Variants in ZDHHC15 observed in about 807,000 individuals in gnomAD.
ZDHHC15 encodes palmitoyltransferase ZDHHC15.
ZDHHC15 carries 19 observed loss-of-function variants against 31.7 expected under a neutral mutation model. The observed-to-expected ratio is 0.60, with a 90% CI of 0.42 to 0.88. The LOEUF is 0.88. Among genes scored for constraint, ZDHHC15 ranks in the 40% least tolerant of loss-of-function variants. The probability of loss-of-function intolerance (pLI) is 0.00; values close to 1 mark genes in which losing one functional copy is unlikely to be tolerated. For synonymous variants in ZDHHC15, 103 were observed against 90.0 expected (o/e 1.14, Z -0.82); for missense variants, 209 against 251.2 (o/e 0.83, Z 1.14).
At chrX:75,492,639 G>A (rs1490238397) in intron 2 of ZDHHC15, among the ~76,000 whole-genome samples, 1 of 111,372 alleles carries the variant, frequency 9.0e-6, no homozygotes, top group East Asian at 2.8e-4. Flanking sequence ...ACTCAAAACT[G>A]GACAACTACA....
Position 75,469,241 on chromosome X carries a change from A to G in ZDHHC15, c.258+9650T>C, listed in dbSNP as rs2084464895. Among the ~76,000 whole-genome samples, 4 of 111,912 alleles carry G rather than the reference A, an allele frequency of 3.6e-5. No individual in the cohort carries two copies. In the Admixed American group the frequency reaches 3.8e-4, roughly 11 times the overall value. On this transcript the variant is annotated intron_variant, in intron 3 of 11. Transcript: ENST00000373367. ...ATTTGGTCCTTTTTAAAATAATGTGATAAATATGTGTAATGAAATTTAACC... is the reference window on the plus strand; with the variant it reads ...ATTTGGTCCTTTTTAAAATAATGTGGTAAATATGTGTAATGAAATTTAACC...
At chrX:75,494,954 T>C (rs746119392) in intron 2 of ZDHHC15, among the ~76,000 whole-genome samples, 14 of 111,546 alleles carry the variant, frequency 1.3e-4, no homozygotes, top group Admixed American at 7.6e-4. Context: ...CAACTAAAGA[T>C]CTTCTGCACA....
rs899368387 is a variant in ZDHHC15, at chrX:75,485,894, G to A, written c.164-6909C>T. ...AGAAAAAAATAAGCTTCAGTTTTAA[G>A]TTGATCATTAATGGTTAAATAGAAA... On this transcript the variant is annotated intron_variant, in intron 2 of 11. Transcript: ENST00000373367. Among the ~76,000 whole-genome samples, 4 of 111,923 alleles carry A rather than the reference G, an allele frequency of 3.6e-5. No homozygotes were observed. In the East Asian group the frequency reaches 1.1e-3, roughly 31 times the overall value.
chrX:75,508,626 A>T (rs1269185181), intron 1 of ZDHHC15, among the ~76,000 whole-genome samples: 1 of 110,154 alleles, frequency 9.1e-6, no homozygotes, highest in Non-Finnish European at 1.9e-5. Context: ...ATGTGTCTTT[A>T]TAGTAACATG....
At chrX:75,495,489 T>C (rs1311104375) in intron 2 of ZDHHC15, among the ~76,000 whole-genome samples, 1 of 110,754 alleles carries the variant, frequency 9.0e-6, no homozygotes, top group Non-Finnish European at 1.9e-5. Flanking sequence ...CACGTATGTT[T>C]ATTGCGGCAC....
intron 4 of ZDHHC15, among the ~76,000 whole-genome samples, chrX:75,444,090 C>T (rs2083988405): frequency 9.0e-6 from 1 of 110,967 alleles, no homozygotes; most frequent in Non-Finnish European, 1.9e-5. Flanking sequence ...ACTAGAAATG[C>T]CATTTGACCC....
chrX:75,458,573 C>A (rs1174297197), intron 3 of ZDHHC15, among the ~76,000 whole-genome samples: 1 of 110,872 alleles, frequency 9.0e-6, no homozygotes, highest in African/African-American at 3.3e-5. Flanking sequence ...GTTTTAAGAA[C>A]CACACCTAGT....
chrX:75,474,446 TATACACACAC>T (rs1324492653), intron 3 of ZDHHC15, among the ~76,000 whole-genome samples: 6 of 66,085 alleles, frequency 9.1e-5, no homozygotes, highest in African/African-American at 2.4e-4. Flanking sequence ...TATATATATA[TATACACACAC>T]ACACACACAC....
At chrX:75,486,172 C>A (rs1047849171) in intron 2 of ZDHHC15, among the ~76,000 whole-genome samples, 1 of 112,324 alleles carries the variant, frequency 8.9e-6, no homozygotes, top group Non-Finnish European at 1.9e-5. Flanking sequence ...ACTGGGAAAC[C>A]TGAAAATCCA....
intron 10 of ZDHHC15, among the ~76,000 whole-genome samples, chrX:75,412,796 A>G (rs6647725): frequency 0.2 from 22,100 of 110,975 alleles, 2,196 homozygotes; most frequent in East Asian, 0.85. Context: ...ACTGGAGGAT[A>G]ATGTTAAGTG....
intron 1 of ZDHHC15, among the ~76,000 whole-genome samples, chrX:75,514,937 C>A (rs2085332470): frequency 8.9e-6 from 1 of 112,085 alleles, no homozygotes; most frequent in African/African-American, 3.2e-5. Flanking sequence ...TCAGAGAATA[C>A]TATAAACATC....
intron 4 of ZDHHC15, among the ~76,000 whole-genome samples, chrX:75,434,496 G>C (rs2083824282): frequency 8.9e-6 from 1 of 112,062 alleles, no homozygotes. Flanking sequence ...GATCCAACTT[G>C]AGTTCAGTAG....
intron 1 of ZDHHC15, among the ~76,000 whole-genome samples, chrX:75,509,951 A>T (rs993302047): frequency 8.9e-6 from 1 of 112,070 alleles, no homozygotes; most frequent in Non-Finnish European, 1.9e-5. Flanking sequence ...CAAAATGAAT[A>T]ACTTTGATTC....
chrX:75,415,746 T>A (rs1266492673), intron 10 of ZDHHC15, among the ~76,000 whole-genome samples: 2 of 112,744 alleles, frequency 1.8e-5, no homozygotes, highest in Non-Finnish European at 3.7e-5. Flanking sequence ...AACATACTAA[T>A]TTTTAATGAT....
intron 3 of ZDHHC15, among the ~76,000 whole-genome samples, chrX:75,452,902 T>C (rs1162097090): frequency 5.4e-5 from 6 of 111,687 alleles, no homozygotes; most frequent in South Asian, 3.7e-4. Flanking sequence ...TGGAAATTTA[T>C]AGCACTTAAA....
At chrX:75,437,264 T>A (rs1269780509) in intron 4 of ZDHHC15, among the ~76,000 whole-genome samples, 25 of 27,659 alleles carry the variant, frequency 9.0e-4, no homozygotes, top group Non-Finnish European at 4.3e-3. Context: ...TGACTTTCTT[T>A]TTTTTGTTTT....
intron 4 of ZDHHC15, among the ~76,000 whole-genome samples, chrX:75,447,195 C>G (rs2084045751): frequency 8.9e-6 from 1 of 111,980 alleles, no homozygotes; most frequent in African/African-American, 3.2e-5. Flanking sequence ...GCACCATTCT[C>G]TGGGGTGATG....
intron 10 of ZDHHC15, among the ~76,000 whole-genome samples, chrX:75,385,385 C>G (rs1048687495): frequency 1.8e-5 from 2 of 111,238 alleles, no homozygotes; most frequent in Non-Finnish European, 3.8e-5. Flanking sequence ...CTTCCTGAAA[C>G]ATTTCCTTCA....
chrX:75,409,823 A>C (rs1165502773), intron 10 of ZDHHC15, among the ~76,000 whole-genome samples: 1 of 100,922 alleles, frequency 9.9e-6, no homozygotes, highest in Non-Finnish European at 2.0e-5. Flanking sequence ...AAAAAAAACA[A>C]CAACAACAAC....
Sources: allele counts gnomAD v4.1 joint callset (sites outside exome capture counted in the v4.1 genomes callset), GRCh38; gene constraint gnomAD v4.1.1; transcripts MANE v1.5; gene names NCBI Gene and HGNC (gene_info 2026-07-23, HGNC 2026-07-21).